The following NSDHL variants were observed in gnomAD, a reference collection of about 807,000 sequenced individuals.
NSDHL encodes the protein NAD(P) dependent 3-beta-hydroxysteroid dehydrogenase NSDHL, also known as sterol-4-alpha-carboxylate 3-dehydrogenase, decarboxylating.
A neutral mutation model predicts 23.0 loss-of-function variants in NSDHL; 1 was observed. That is an observed-to-expected ratio of 0.04 (90% CI 0.02 to 0.21). The LOEUF is 0.21. Ranked by LOEUF, NSDHL falls within the 10% of genes least tolerant of loss-of-function variation. NSDHL has a pLI of 1.00. For synonymous variants in NSDHL, 128 were observed against 121.1 expected, an observed-to-expected ratio of 1.06 and a Z score of -0.37; for missense variants, 237 against 300.9, an observed-to-expected ratio of 0.79 and a Z score of 1.57.
At chrX:152,867,719 T>A (rs1170292208) in intron 7 of NSDHL, 46 bp downstream of exon 7, 1 of 932,632 alleles carries the variant, frequency 1.1e-6, no homozygotes, top group East Asian at 3.1e-5. Context: ...TTTCTGCGGG[T>A]TTCTTCTCCT....
intron 7 of NSDHL, among the ~76,000 whole-genome samples, chrX:152,868,508 A>G (rs1412775558): frequency 1.8e-5 from 2 of 112,362 alleles, no homozygotes; most frequent in Non-Finnish European, 3.8e-5. Context: ...GCATCCAAAG[A>G]TATGTAGATG....
chrX:152,866,171 TG>T (rs1933604846), intron 6 of NSDHL, among the ~76,000 whole-genome samples: 3 of 112,596 alleles, frequency 2.7e-5, no homozygotes, highest in Admixed American at 9.3e-5. Flanking sequence ...GTTCCCAGAC[TG>T]GGTGTCCATT....
chrX:152,847,153 A>C (rs781989454), intron 2 of NSDHL, among the ~76,000 whole-genome samples: 1 of 111,349 alleles, frequency 9.0e-6, no homozygotes, highest in African/African-American at 3.3e-5. Context: ...AATACAAAAA[A>C]TTAGCCAGGC....
chrX:152,869,719 T>A lies in NSDHL; in HGVS notation c.*603T>A, dbSNP rs1215122343. On this transcript the variant is annotated 3_prime_UTR_variant, in exon 8 of 8. Coordinates refer to ENST00000370274, the MANE Select transcript of NSDHL (RefSeq NM_015922.3). ...TCAACTCCTTACATGTTCCACATTC[T>A]CTTTCAGGTACGTTGCCGTGCCTGC... 1 of 123,838 alleles carries A rather than the reference T, an allele frequency of 8.1e-6. No individual in the cohort carries two copies. The highest frequency in any genetic ancestry group is 1.7e-5 in the Non-Finnish European group (1 of 59,193). The allele number at this position is 123,838 out of a possible 1,213,427, so 10.2% of individuals were successfully genotyped here.
At position 152,869,055 on chromosome X, in the gene NSDHL, C is replaced by T. The variant is rs1420869981; in HGVS notation, c.1061C>T (p.Thr354Ile). 6.6e-6 allele frequency: 8 copies of T among 1,212,139 alleles called. No homozygotes were observed. The highest frequency in any genetic ancestry group is 8.9e-6 in the Non-Finnish European group (8 of 895,493). ...GCCATGGGCTACCAGCCACTAGTGA[C>T]CATGGATGATGCTATGGAGAGGACC... Reference protein sequence around the residue: ...KKAMGYQPLVTMDDAMERTVQ... With the variant: ...KKAMGYQPLVIMDDAMERTVQ... The change falls in exon 8 of 8, where the codon ACC (threonine) becomes ATC (isoleucine). Residue 354 changes from threonine to isoleucine, a missense_variant. By Grantham distance (89) the Thr-to-Ile change is moderately conservative (BLOSUM62 -1). Transcript: ENST00000370274.
chrX:152,867,850 C>T (rs1414324168), intron 7 of NSDHL, among the ~76,000 whole-genome samples, 177 bp downstream of exon 7: 1 of 111,947 alleles, frequency 8.9e-6, no homozygotes, highest in Non-Finnish European at 1.9e-5. Flanking sequence ...TGCAGCGTCA[C>T]ATCACTTGGG....
At chrX:152,866,082 G>A in intron 6 of NSDHL, 121 bp downstream of exon 6, 4 of 804,297 alleles carry the variant, frequency 5.0e-6, no homozygotes, top group Non-Finnish European at 7.4e-6. Context: ...CTTGGTCCAT[G>A]CAGGCTGCTG....
At chrX:152,839,690 C>T (rs781912551) in intron 1 of NSDHL, among the ~76,000 whole-genome samples, 1 of 112,835 alleles carries the variant, frequency 8.9e-6, no homozygotes, top group East Asian at 2.8e-4. Flanking sequence ...ATGGGCTTCC[C>T]TTTGTCGGTA....
At chrX:152,862,463 G>A in intron 4 of NSDHL, 133 bp from the exon 5 acceptor site, 1 of 577,101 alleles carries the variant, frequency 1.7e-6, no homozygotes, top group Non-Finnish European at 2.9e-6. Flanking sequence ...AGGCATTGCA[G>A]CAAATAATTT....
Position 152,869,024 on chromosome X carries a change from A to G in NSDHL, c.1030A>G (p.Lys344Glu). 1.7e-6 allele frequency: 2 copies of G among 1,211,665 alleles called. No individual in the cohort carries two copies. Among genetic ancestry groups the G allele is most frequent in the Non-Finnish European group, 2.2e-6 (2 of 895,199 alleles). Residue 344 changes from lysine to glutamate, a missense_variant, in exon 8 of 8, where the codon AAA becomes GAA. By Grantham distance (56) the Lys-to-Glu change is moderately conservative. Coordinates refer to ENST00000370274, the MANE Select transcript of NSDHL (RefSeq NM_015922.3). ...CCACTACTACAGCTGCGAGAGAGCC[A>G]AAAAGGCCATGGGCTACCAGCCACT... ...TFHYYSCERA[K>E]KAMGYQPLVT... is the part of the protein sequence containing the mutation.
At chrX:152,842,509 GT>G (rs1221764122) in intron 1 of NSDHL, among the ~76,000 whole-genome samples, 2 of 110,903 alleles carry the variant, frequency 1.8e-5, no homozygotes, top group African/African-American at 6.6e-5. Flanking sequence ...TTTGTTTTTT[GT>G]TTTTTTGAGA....
chrX:152,841,810 T>C (rs1427216259), intron 1 of NSDHL, among the ~76,000 whole-genome samples: 1 of 111,869 alleles, frequency 8.9e-6, no homozygotes, highest in Non-Finnish European at 1.9e-5. Context: ...TAACAGAAAA[T>C]GTACCATCTT....
In NSDHL at chrX:152,869,048, C is replaced by G. The variant is rs142351862; in HGVS notation, c.1054C>G (p.Leu352Val). ...RAKKAMGYQP[L>V]VTMDDAMERT... ...CAAAAAGGCCATGGGCTACCAGCCA[C>G]TAGTGACCATGGATGATGCTATGGA... Residue 352 changes from leucine (L) to valine (V), a missense_variant, in exon 8 of 8, where the codon CTA becomes GTA. By Grantham distance (32) the Leu-to-Val change is conservative. Coordinates refer to ENST00000370274, the MANE Select transcript of NSDHL (RefSeq NM_015922.3). 1.7e-6 allele frequency: 2 copies of G among 1,210,738 alleles called. No individual in the cohort carries two copies. The highest frequency in any genetic ancestry group is 1.7e-5 in the African/African-American group (1 of 57,416).
intron 3 of NSDHL, among the ~76,000 whole-genome samples, chrX:152,855,293 C>T (rs904139239): frequency 9.0e-6 from 1 of 111,619 alleles, no homozygotes; most frequent in Non-Finnish European, 1.9e-5. Context: ...CCGTTGCCAC[C>T]GCGCCCGGCC....
chrX:152,842,854 T>C (rs183095266), intron 1 of NSDHL, among the ~76,000 whole-genome samples: 330 of 112,252 alleles, frequency 2.9e-3, no homozygotes, highest in African/African-American at 0.01. Flanking sequence ...AGATCTTCTT[T>C]GGAGAAATGT....
intron 3 of NSDHL, among the ~76,000 whole-genome samples, chrX:152,854,394 TTTA>T (rs1289942737): frequency 9.2e-5 from 10 of 109,127 alleles, no homozygotes; most frequent in African/African-American, 3.4e-4. Context: ...GAGGACCTTT[TTTA>T]TTTTATTTTA....
intron 1 of NSDHL, among the ~76,000 whole-genome samples, chrX:152,843,201 C>A (rs1217427365): frequency 8.9e-6 from 1 of 112,163 alleles, no homozygotes; most frequent in East Asian, 2.8e-4. Context: ...CTCCTACATC[C>A]TCCTCTAGCA....
At chrX:152,851,061 A>T (rs1377701869) in intron 3 of NSDHL, among the ~76,000 whole-genome samples, 1 of 112,142 alleles carries the variant, frequency 8.9e-6, no homozygotes, top group Non-Finnish European at 1.9e-5. Context: ...ACTTAGCATG[A>T]TGTTTTCAAG....
At position 152,860,353 on chromosome X, in the gene NSDHL, G is replaced by C. The variant is rs782290194; in HGVS notation, c.414+1437G>C. The stretch of plus-strand genomic sequence containing the variant: ...AGTCCCAGACTCTGCACTCAGCCAT[G>C]CTGATGTAACTGGAGCCCTGGGAAG... On this transcript the variant is annotated intron_variant, in intron 4 of 7. Coordinates refer to ENST00000370274, the MANE Select transcript of NSDHL (RefSeq NM_015922.3). 4.5e-5 allele frequency among the ~76,000 whole-genome samples: 5 copies of C among 112,194 alleles called. No individual in the cohort carries two copies. In the South Asian group the frequency reaches 1.5e-3, roughly 34 times the overall value.
Sources: allele counts gnomAD v4.1 joint callset (sites outside exome capture counted in the v4.1 genomes callset), GRCh38; gene constraint gnomAD v4.1.1; transcripts MANE v1.5; gene names NCBI Gene and HGNC (gene_info 2026-07-23, HGNC 2026-07-21).